PPM1H: variants seen among roughly 807,000 people sequenced by gnomAD.
PPM1H encodes protein phosphatase 1H.
A neutral mutation model predicts 54.9 loss-of-function variants in PPM1H; 27 were observed. That is an observed-to-expected ratio of 0.49 (90% CI 0.36 to 0.68). The LOEUF (loss-of-function observed/expected upper bound fraction) is 0.68, where lower values mean the gene tolerates loss of function less well. Ranked by LOEUF, PPM1H falls within the 30% of genes least tolerant of loss-of-function variation. The pLI is 0.00. For missense variants in PPM1H, 596 were observed against 667.8 expected (o/e 0.89, Z 1.19); for synonymous variants, 305 against 270.8 (o/e 1.13, Z -1.24).
At chr12:62,861,122 C>T (rs1869586447) in intron 1 of PPM1H, among the ~76,000 whole-genome samples, 1 of 152,204 alleles carries the variant, frequency 6.6e-6, no homozygotes, top group Admixed American at 6.5e-5. Context: ...TTAGCATCAG[C>T]TTAAAAATTG....
chr12:62,780,920 C>T (rs758356268), intron 4 of PPM1H, among the ~76,000 whole-genome samples: 8 of 152,208 alleles, frequency 5.3e-5, no homozygotes, highest in Non-Finnish European at 1.0e-4. Flanking sequence ...AATAATCTCA[C>T]GCCAGCATTT....
At chr12:62,825,748 G>A (rs1424128962) in intron 2 of PPM1H, among the ~76,000 whole-genome samples, 1 of 152,108 alleles carries the variant, frequency 6.6e-6, no homozygotes, top group Admixed American at 6.6e-5. Flanking sequence ...TGTGGAGCAG[G>A]GGGAGGGATA....
intron 4 of PPM1H, among the ~76,000 whole-genome samples, chr12:62,783,121 T>C (rs994940821): frequency 1.3e-5 from 2 of 152,220 alleles, no homozygotes; most frequent in Non-Finnish European, 1.5e-5. Context: ...CATGAGCCAC[T>C]GCACTCGGCC....
chr12:62,777,913 T>C lies in PPM1H; in HGVS notation c.869+10313A>G, dbSNP rs531676908. 6.6e-5 allele frequency among the ~76,000 whole-genome samples: 10 copies of C among 152,334 alleles called. No homozygotes were observed. In the East Asian group the frequency reaches 1.9e-3, roughly 29 times the overall value. On this transcript the variant is annotated intron_variant, in intron 4 of 9. Transcript: ENST00000228705. ...ACAAATATTTGGTATGCTGTTTACT[T>C]GTAGGCTTTTTCATTATTCAAATGT...
At chr12:62,747,479 C>G (rs1474892958) in intron 4 of PPM1H, among the ~76,000 whole-genome samples, 1 of 152,146 alleles carries the variant, frequency 6.6e-6, no homozygotes, top group Non-Finnish European at 1.5e-5. Flanking sequence ...TTTAAGTGAT[C>G]CTCACACCTA....
chr12:62,671,292 G>A (rs558421427), intron 8 of PPM1H, among the ~76,000 whole-genome samples: 6 of 152,238 alleles, frequency 3.9e-5, no homozygotes, highest in Admixed American at 1.3e-4. Context: ...GTGGGACTGG[G>A]GGACATGGTC....
chr12:62,818,532 G>C (rs2076883667), intron 2 of PPM1H, among the ~76,000 whole-genome samples: 1 of 150,288 alleles, frequency 6.7e-6, no homozygotes, highest in Non-Finnish European at 1.5e-5. Flanking sequence ...ACAGTCTCAT[G>C]AAAGTGTCTT....
Position 62,739,653 on chromosome 12 carries a change from A to C in PPM1H, c.870-2067T>G, listed in dbSNP as rs142376264. 4.1e-3 allele frequency among the ~76,000 whole-genome samples: 622 copies of C among 152,332 alleles called. 3 individuals are homozygous for C. Among genetic ancestry groups the C allele is most frequent in the Non-Finnish European group, 6.1e-3 (415 of 68,028 alleles). On this transcript the variant is annotated intron_variant, in intron 4 of 9. Coordinates refer to ENST00000228705, the MANE Select transcript of PPM1H (RefSeq NM_020700.2). ...ATCAGGCCATGGAAGCATCTCCTCT[A>C]GGACCTGAGTGCCAGGAGCTCAGGG...
intron 1 of PPM1H, among the ~76,000 whole-genome samples, chr12:62,843,316 C>CA (rs907068102): frequency 5.3e-5 from 8 of 151,326 alleles, no homozygotes; most frequent in Non-Finnish European, 7.4e-5. Context: ...GAATCTGTCT[C>CA]AAAAAAACAA....
At chr12:62,744,165 A>AT (rs1491547226) in intron 4 of PPM1H, among the ~76,000 whole-genome samples, 6 of 55,018 alleles carry the variant, frequency 1.1e-4, no homozygotes, top group Admixed American at 1.0e-3. Flanking sequence ...TTATACAGTC[A>AT]TAAAAAAAAA....
At chr12:62,929,681 C>T (rs1366309306) in intron 1 of PPM1H, among the ~76,000 whole-genome samples, 1 of 152,080 alleles carries the variant, frequency 6.6e-6, no homozygotes. Flanking sequence ...ATGCATTTTC[C>T]TAAGAAAAGA....
intron 8 of PPM1H, among the ~76,000 whole-genome samples, chr12:62,671,354 A>G (rs145488272): frequency 2.9e-3 from 447 of 152,180 alleles, no homozygotes; most frequent in Non-Finnish European, 4.7e-3. Context: ...AAAGGGAGAA[A>G]AAAGCCAGAC....
intron 1 of PPM1H, among the ~76,000 whole-genome samples, chr12:62,882,604 C>A (rs1011519476): frequency 6.6e-6 from 1 of 152,248 alleles, no homozygotes; most frequent in Non-Finnish European, 1.5e-5. Context: ...GGACAAAGCA[C>A]CATTCTCCTT....
At chr12:62,730,723 TG>T (rs1422742569) in intron 5 of PPM1H, among the ~76,000 whole-genome samples, 1 of 152,076 alleles carries the variant, frequency 6.6e-6, no homozygotes, top group Non-Finnish European at 1.5e-5. Context: ...TCAGATTATA[TG>T]AGAAGAGGAT....
intron 6 of PPM1H, among the ~76,000 whole-genome samples, chr12:62,714,317 A>C (rs1325581477): frequency 6.6e-6 from 1 of 152,210 alleles, no homozygotes; most frequent in African/African-American, 2.4e-5. Context: ...TCTTTGCCTC[A>C]ATAAAAGTAG....
chr12:62,896,561 C>T (rs1163847929), intron 1 of PPM1H, among the ~76,000 whole-genome samples: 10 of 152,196 alleles, frequency 6.6e-5, no homozygotes, highest in Admixed American at 5.2e-4. Context: ...TACCATCTCA[C>T]ACCAGTTAGA....
chr12:62,705,609 C>T (rs2076168722), intron 6 of PPM1H, among the ~76,000 whole-genome samples: 1 of 152,052 alleles, frequency 6.6e-6, no homozygotes, highest in African/African-American at 2.4e-5. Context: ...AAGGAAATTC[C>T]AGATTTGGAA....
At chr12:62,729,963 T>C (rs1030575631) in intron 5 of PPM1H, among the ~76,000 whole-genome samples, 7 of 152,092 alleles carry the variant, frequency 4.6e-5, no homozygotes, top group Non-Finnish European at 8.8e-5. Flanking sequence ...GAAGTGAAAA[T>C]GGCCTGTTCC....
At chr12:62,677,674 C>A (rs577639855) in intron 8 of PPM1H, among the ~76,000 whole-genome samples, 2 of 152,276 alleles carry the variant, frequency 1.3e-5, no homozygotes, top group Non-Finnish European at 2.9e-5. Context: ...GGGGTCTGGG[C>A]CAGTAGCAAA....
Sources: gnomAD v4.1 joint callset for allele counts (sites outside exome capture counted in the v4.1 genomes callset) on GRCh38, gnomAD v4.1.1 for gene constraint, MANE v1.5 for transcripts, NCBI Gene and HGNC (gene_info 2026-07-23, HGNC 2026-07-21) for gene names.